Variants in GTF2IRD1 observed in about 807,000 individuals in gnomAD.
GTF2IRD1 encodes GTF2I repeat domain containing 1, also known as general transcription factor II-I repeat domain-containing protein 1.
In GTF2IRD1, 26 loss-of-function variants were observed where a neutral mutation model predicts 113.2. The observed-to-expected ratio is 0.23, with a 90% confidence interval of 0.17 to 0.32. GTF2IRD1 has a LOEUF of 0.32. Among genes scored for constraint, GTF2IRD1 ranks in the 10% least tolerant of loss-of-function variants. The pLI is 1.00. For missense variants in GTF2IRD1, 864 were observed against 1,280.8 expected, an observed-to-expected ratio of 0.67 and a Z score of 4.97; for synonymous variants, 484 against 529.1, an observed-to-expected ratio of 0.91 and a Z score of 1.17.
chr7:74,567,371 G>A (rs373241047), intron 22 of GTF2IRD1, among the ~76,000 whole-genome samples: 11 of 151,946 alleles, frequency 7.2e-5, no homozygotes, highest in South Asian at 2.1e-4. Context: ...TGGAAAGTCC[G>A]CAGGTGAAGC....
At position 74,555,113 on chromosome 7, in the gene GTF2IRD1, G is replaced by A; in HGVS notation, c.1917-61G>A. 1 of 1,494,164 alleles carries A rather than the reference G, an allele frequency of 6.7e-7. No individual in the cohort carries two copies. The highest frequency in any genetic ancestry group is 9.3e-7 in the Non-Finnish European group (1 of 1,079,438). The allele number at this position is 1,494,164 out of a possible 1,614,324, so 92.6% of individuals were successfully genotyped here. A position where few individuals can be genotyped will look rare whatever the true frequency, so the allele number is the denominator to read the frequency against. The stretch of plus-strand genomic sequence containing the variant: ...TGTAGACTGAGGCCCAGAGAGGAGG[G>A]CTGAGCAGTCCCAGAGATGCTTGGA... On this transcript the variant is annotated intron_variant, in intron 17 of 26. Transcript: ENST00000424337. This position sits in a 1 kb window ranked among gnomAD's most constrained non-coding sequence, Gnocchi z 5.3.
At chr7:74,584,370 G>A (rs1231257139) in intron 22 of GTF2IRD1, among the ~76,000 whole-genome samples, 8 of 152,086 alleles carry the variant, frequency 5.3e-5, no homozygotes, top group Admixed American at 1.3e-4. Flanking sequence ...ACTCGAACCC[G>A]GTAGGCGGAG....
intron 1 of GTF2IRD1, among the ~76,000 whole-genome samples, chr7:74,463,432 G>A (rs181907145): frequency 6.6e-6 from 1 of 152,040 alleles, no homozygotes; most frequent in Non-Finnish European, 1.5e-5. Context: ...TGGGGGTCTC[G>A]CCATGTCGCC....
chr7:74,536,290 C>G lies in GTF2IRD1; in HGVS notation c.1409+15C>G. 1 of 1,538,770 alleles carries G rather than the reference C, an allele frequency of 6.5e-7. No homozygotes were observed. The highest frequency in any genetic ancestry group is 1.1e-5 in the South Asian group (1 of 89,558). ...GGGAATGCTCGGTGAGGCCCCGCCC[C>G]TGGCCCCGGAGGCCCGCGGCCAGCC... On this transcript the variant is annotated intron_variant, in intron 11 of 26. Coordinates refer to ENST00000424337, the MANE Select transcript of GTF2IRD1 (RefSeq NM_005685.4).
rs1256640878 is a variant in GTF2IRD1 at position 74,512,363 on chromosome 7, C to A, written c.124-467C>A. Among the ~76,000 whole-genome samples, 2 of 152,052 alleles carry A rather than the reference C, an allele frequency of 1.3e-5. No individual in the cohort carries two copies. The highest frequency in any genetic ancestry group is 2.9e-5 in the Non-Finnish European group (2 of 67,994). ...TGAGACTGTGTCTCAAAAAACAAAA[C>A]AAAACAGATGTGGAAACTGGAGCCC... On this transcript the variant is annotated intron_variant, in intron 2 of 26. Transcript: ENST00000424337. This position sits in a 1 kb window ranked among gnomAD's most constrained non-coding sequence, Gnocchi z 4.4.
At chr7:74,597,373 G>A (rs1802486445) in intron 25 of GTF2IRD1, among the ~76,000 whole-genome samples, 2 of 138,318 alleles carry the variant, frequency 1.4e-5, no homozygotes, top group Admixed American at 1.5e-4. Flanking sequence ...TCAAGACAGA[G>A]TCTCACTCTG....
chr7:74,586,622 A>G (rs587701571), intron 22 of GTF2IRD1, among the ~76,000 whole-genome samples: 2 of 152,236 alleles, frequency 1.3e-5, no homozygotes, highest in African/African-American at 4.8e-5. Context: ...GCCCTGGGAA[A>G]AGGAGGAACC....
At chr7:74,543,785 C>T (rs1441739651) in intron 14 of GTF2IRD1, among the ~76,000 whole-genome samples, 2 of 145,124 alleles carry the variant, frequency 1.4e-5, no homozygotes, top group Non-Finnish European at 3.0e-5. Context: ...CCTCTAGTTC[C>T]AGCTATTGAG....
At position 74,579,479 on chromosome 7, in the gene GTF2IRD1, G is replaced by A. The variant is rs587607340; in HGVS notation, c.2321-10372G>A. On this transcript the variant is annotated intron_variant, in intron 22 of 26. Coordinates refer to ENST00000424337, the MANE Select transcript of GTF2IRD1 (RefSeq NM_005685.4). Reference sequence around the variant, plus strand: ...CTAAAAATACAAAAATTAGCCAAGCGTGGTGGCTCGTGCCGGTAGTCTCAG... The same window carrying A: ...CTAAAAATACAAAAATTAGCCAAGCATGGTGGCTCGTGCCGGTAGTCTCAG... 1.7e-4 allele frequency among the ~76,000 whole-genome samples: 26 copies of A among 152,156 alleles called. No individual in the cohort carries two copies. In the East Asian group the frequency reaches 1.9e-3, roughly 11 times the overall value.
At chr7:74,494,708 G>C (rs1554337459) in intron 1 of GTF2IRD1, among the ~76,000 whole-genome samples, 1 of 151,462 alleles carries the variant, frequency 6.6e-6, no homozygotes, top group Non-Finnish European at 1.5e-5. Flanking sequence ...GCAATATAGG[G>C]AAACTCCCAT....
Position 74,536,231 on chromosome 7 carries a change from A to T in GTF2IRD1, c.1365A>T (p.Ala455=), listed in dbSNP as rs782343276. Residue 455 remains alanine (A), a synonymous_variant, in exon 11 of 27, where the codon GCA becomes GCT. Coordinates refer to ENST00000424337, the MANE Select transcript of GTF2IRD1 (RefSeq NM_005685.4). ...CCAGCCCGCCAGAGGACACCTCTGC[A>T]GAGGTCTCTAGGGCCACCGTCCTTG... ...EPASPPEDTS[A]EVSRATVLDL... is the part of the protein sequence containing the mutation. 6.2e-7 allele frequency: 1 copy of T among 1,613,292 alleles called. No homozygotes were observed. Among genetic ancestry groups the T allele is most frequent in the South Asian group, 1.1e-5 (1 of 91,068 alleles).
intron 1 of GTF2IRD1, among the ~76,000 whole-genome samples, chr7:74,474,081 AC>A (rs1330568856): frequency 1.7e-4 from 5 of 29,444 alleles, no homozygotes; most frequent in South Asian, 9.2e-4. Context: ...AAAAAAAAAA[AC>A]AAACAAAAAA....
At chr7:74,543,284 A>G (rs1464471670) in intron 14 of GTF2IRD1, among the ~76,000 whole-genome samples, 4 of 151,892 alleles carry the variant, frequency 2.6e-5, no homozygotes, top group African/African-American at 7.3e-5. Context: ...CCTGGGTGAC[A>G]AGAGCGAAAC....
intron 25 of GTF2IRD1, among the ~76,000 whole-genome samples, chr7:74,596,703 C>T (rs1554372425): frequency 6.6e-6 from 1 of 152,004 alleles, no homozygotes; most frequent in East Asian, 1.9e-4. Context: ...CCTCTAATCC[C>T]AGCAATTTGG....
chr7:74,597,068 C>T (rs1360740653), intron 25 of GTF2IRD1, among the ~76,000 whole-genome samples: 3 of 151,344 alleles, frequency 2.0e-5, no homozygotes, highest in Admixed American at 1.3e-4. Flanking sequence ...TCCGAGACAG[C>T]GTCTCACTCT....
At chr7:74,599,454 GTGT>G in intron 25 of GTF2IRD1, among the ~76,000 whole-genome samples, 1 of 152,118 alleles carries the variant, frequency 6.6e-6, no homozygotes, top group East Asian at 1.9e-4. Flanking sequence ...TATGCATGCG[GTGT>G]TTTTTGAGTC....
At chr7:74,490,063 G>A (rs1309335291) in intron 1 of GTF2IRD1, among the ~76,000 whole-genome samples, 1 of 151,718 alleles carries the variant, frequency 6.6e-6, no homozygotes, top group Non-Finnish European at 1.5e-5. Context: ...GACCTCCCGT[G>A]TCAAGCTATC....
At chr7:74,554,044 G>C (rs1455460787) in intron 17 of GTF2IRD1, among the ~76,000 whole-genome samples, 1 of 152,144 alleles carries the variant, frequency 6.6e-6, no homozygotes, top group Non-Finnish European at 1.5e-5. Context: ...GGGGACCCCA[G>C]GGGTGCCCTC....
At chr7:74,557,964 G>C (rs1399948433) in intron 20 of GTF2IRD1, among the ~76,000 whole-genome samples, 1 of 152,252 alleles carries the variant, frequency 6.6e-6, no homozygotes, top group Non-Finnish European at 1.5e-5. Flanking sequence ...ACACTTTCAA[G>C]AACTACACAC....
Sources: allele counts gnomAD v4.1 joint callset (sites outside exome capture counted in the v4.1 genomes callset), GRCh38; gene constraint gnomAD v4.1.1; non-coding constraint Gnocchi (gnomAD v3.1); transcripts MANE v1.5; gene names NCBI Gene and HGNC (gene_info 2026-07-23, HGNC 2026-07-21).